Variants in KIF13B observed in about 807,000 individuals in gnomAD.
KIF13B encodes kinesin-like protein KIF13B.
KIF13B carries 127 observed loss-of-function variants against 222.0 expected under a neutral mutation model. The observed-to-expected ratio is 0.57, with a 90% CI of 0.50 to 0.66. The LOEUF is 0.66. Ranked by LOEUF, KIF13B falls within the 30% of genes least tolerant of loss-of-function variation. The pLI is 0.00. For synonymous variants in KIF13B, 976 were observed against 919.0 expected (o/e 1.06, Z -1.12); for missense variants, 2,173 against 2,379.0 (o/e 0.91, Z 1.80).
intron 21 of KIF13B, among the ~76,000 whole-genome samples, chr8:29,135,504 T>A (rs973811471): frequency 6.6e-6 from 1 of 152,216 alleles, no homozygotes; most frequent in Admixed American, 6.5e-5. Context: ...ATAAATCATA[T>A]TTTTCACCTG....
At chr8:29,143,872 A>G (rs1428734546) in intron 18 of KIF13B, among the ~76,000 whole-genome samples, 3 of 152,034 alleles carry the variant, frequency 2.0e-5, no homozygotes, top group Non-Finnish European at 4.4e-5. Context: ...AAATTAAAAA[A>G]AAGTAATGTT....
Position 29,083,902 on chromosome 8 carries a change from C to A in KIF13B, c.4459-8559G>T, listed in dbSNP as rs1176374496. Among the ~76,000 whole-genome samples the A allele has an allele frequency of 2.0e-5, 3 of 151,982 alleles. No homozygotes were observed. In the East Asian group the frequency reaches 5.8e-4, roughly 29 times the overall value. On this transcript the variant is annotated intron_variant, in intron 37 of 39. Transcript: ENST00000524189. The stretch of plus-strand genomic sequence containing the variant: ...AGAAAAATGAAGGCTGGGAACAAGG[C>A]CTAGATGTGTTTTTTGTTTGTTTGT...
chr8:29,160,802 A>T lies in KIF13B; in HGVS notation c.1335T>A (p.Asp445Glu), dbSNP rs771053234. The change falls in exon 13 of 40, where the codon GAT becomes GAA. Residue 445 changes from aspartate to glutamate, a missense_variant. This residue lies in a region of KIF13B where 1,480 missense variants were observed against 1,722.8 expected (regional missense o/e 0.86). Transcript: ENST00000524189. The part of the protein sequence containing the change: ...SLQSSGIKVG[D>E]DKCFLVNLNA... ...TCAGATTCACAAGGAAGCATTTATCATCCCCAACTTTGATTCCCGAAGACT... is the reference window on the plus strand; with the variant it reads ...TCAGATTCACAAGGAAGCATTTATCTTCCCCAACTTTGATTCCCGAAGACT... 5.0e-6 allele frequency: 8 copies of T among 1,613,570 alleles called. 1 individual carries two copies. Among genetic ancestry groups the T allele is most frequent in the Non-Finnish European group, 6.8e-6 (8 of 1,179,568 alleles).
chr8:29,253,954 G>A (rs1586992175), intron 1 of KIF13B, among the ~76,000 whole-genome samples: 1 of 151,598 alleles, frequency 6.6e-6, no homozygotes, highest in East Asian at 1.9e-4. Flanking sequence ...TACAAAGGTA[G>A]AGTAATCAAG....
rs182047673 is a variant in KIF13B, at chr8:29,143,586, G to A, written c.2188-1283C>T. On this transcript the variant is annotated intron_variant, in intron 18 of 39. Transcript: ENST00000524189. ...TGTTTGGCCAGGTGTGGTGGCTCAC[G>A]CCTGTAATCCCAGCACTTTGGGAGG... is the stretch of plus-strand genomic sequence containing the variant. Among the ~76,000 whole-genome samples the A allele has an allele frequency of 8.3e-4, 126 of 152,286 alleles. 1 individual carries two copies. The highest frequency in any genetic ancestry group is 3.0e-3 in the African/African-American group (124 of 41,568).
intron 13 of KIF13B, among the ~76,000 whole-genome samples, chr8:29,159,039 C>T (rs536497796): frequency 7.2e-5 from 11 of 152,336 alleles, no homozygotes; most frequent in South Asian, 2.1e-4. Flanking sequence ...TCTCTTCCCA[C>T]GTAGTCAGCT....
intron 2 of KIF13B, among the ~76,000 whole-genome samples, chr8:29,205,754 A>T (rs1813901322): frequency 6.6e-6 from 1 of 152,148 alleles, no homozygotes; most frequent in Non-Finnish European, 1.5e-5. Flanking sequence ...TGGTAGGTCT[A>T]GAGTTTAGAT....
intron 2 of KIF13B, among the ~76,000 whole-genome samples, chr8:29,199,086 T>TTTTTTTTTTTTTTTTTTTTTTTTA (rs1358025375): frequency 6.6e-6 from 1 of 151,862 alleles, no homozygotes; most frequent in African/African-American, 2.4e-5. Flanking sequence ...AATAAAATTT[T>TTTTTTTTTTTTTTTTTTTTTTTTA]TTAAAAAATA....
intron 2 of KIF13B, among the ~76,000 whole-genome samples, chr8:29,223,076 G>A (rs1455800720): frequency 1.3e-5 from 2 of 151,432 alleles, no homozygotes; most frequent in African/African-American, 4.9e-5. Context: ...CCAGCACTTT[G>A]GGAGGCTGAG....
chr8:29,178,650 G>GT (rs1812584080), intron 8 of KIF13B, among the ~76,000 whole-genome samples: 3 of 69,912 alleles, frequency 4.3e-5, no homozygotes, highest in Non-Finnish European at 1.1e-4. Flanking sequence ...AGTACTTTTA[G>GT]TTAAAAAAAA....
At chr8:29,117,283 G>A (rs1220670553) in intron 30 of KIF13B, among the ~76,000 whole-genome samples, 7 of 152,034 alleles carry the variant, frequency 4.6e-5, no homozygotes, top group Non-Finnish European at 7.4e-5. Flanking sequence ...AAATTCAGTC[G>A]AGTGATTTGT....
chr8:29,159,899 A>G lies in KIF13B; in HGVS notation c.1404+834T>C, dbSNP rs557214913. ...TGAAATGAAACCACACAATTCTCTT[A>G]GAGCTGTTTCCCACATAGTCAGCCT... On this transcript the variant is annotated intron_variant, in intron 13 of 39. Coordinates refer to ENST00000524189, the MANE Select transcript of KIF13B (RefSeq NM_015254.4). Among the ~76,000 whole-genome samples, 20 of 152,362 alleles carry G rather than the reference A, an allele frequency of 1.3e-4. No homozygotes were observed. In the South Asian group the frequency reaches 4.1e-3, roughly 32 times the overall value.
At chr8:29,096,251 TG>T (rs1208115594) in intron 36 of KIF13B, among the ~76,000 whole-genome samples, 3 of 151,296 alleles carry the variant, frequency 2.0e-5, no homozygotes, top group Non-Finnish European at 2.9e-5. Context: ...CCCAAAGTGC[TG>T]GGATTACAGG....
At chr8:29,207,751 G>A (rs969404056) in intron 2 of KIF13B, among the ~76,000 whole-genome samples, 2 of 151,962 alleles carry the variant, frequency 1.3e-5, no homozygotes, top group African/African-American at 4.8e-5. Context: ...CTCTATAGAA[G>A]AGACCAGGTA....
chr8:29,116,464 A>G (rs1351806378), intron 31 of KIF13B, among the ~76,000 whole-genome samples: 2 of 152,084 alleles, frequency 1.3e-5, no homozygotes, highest in Non-Finnish European at 2.9e-5. Flanking sequence ...GCAAGACTCT[A>G]TCTTAAAAAA....
chr8:29,089,645 G>A (rs1367096943), intron 37 of KIF13B, among the ~76,000 whole-genome samples: 2 of 152,130 alleles, frequency 1.3e-5, no homozygotes, highest in Non-Finnish European at 2.9e-5. Context: ...TATAATCCCA[G>A]CACTTTGGGA....
chr8:29,224,298 C>T (rs542412458), intron 2 of KIF13B, among the ~76,000 whole-genome samples: 5 of 152,274 alleles, frequency 3.3e-5, no homozygotes, highest in African/African-American at 4.8e-5. Flanking sequence ...CCACCGCGCC[C>T]GGCCTCAGTT....
At chr8:29,122,123 A>T (rs1369604207) in intron 29 of KIF13B, among the ~76,000 whole-genome samples, 1 of 152,014 alleles carries the variant, frequency 6.6e-6, no homozygotes, top group Non-Finnish European at 1.5e-5. Flanking sequence ...GCGTGGTGGC[A>T]CAAGCCTGTA....
At chr8:29,251,690 G>A (rs544164995) in intron 1 of KIF13B, among the ~76,000 whole-genome samples, 3 of 152,236 alleles carry the variant, frequency 2.0e-5, no homozygotes, top group Admixed American at 6.5e-5. Context: ...CGAATAGATG[G>A]TGGTGATGGT....
Sources: allele counts gnomAD v4.1 joint callset (sites outside exome capture counted in the v4.1 genomes callset), GRCh38; gene constraint gnomAD v4.1.1; regional missense constraint gnomAD v4.1.1; transcripts MANE v1.5; gene names NCBI Gene and HGNC (gene_info 2026-07-23, HGNC 2026-07-21).